Variants in RASEF observed in about 807,000 individuals in gnomAD.
RASEF encodes the protein RAS and EF-hand domain containing, also known as ras and EF-hand domain-containing protein.
Under a neutral mutation model 90.1 loss-of-function variants are expected in RASEF, and 68 were observed. The ratio of observed to expected loss-of-function variants is 0.75; its 90% CI spans 0.62 to 0.92. RASEF has a LOEUF of 0.92. Among genes scored for constraint, RASEF ranks in the 40% least tolerant of loss-of-function variants. The pLI is 0.00. For synonymous variants in RASEF, 331 were observed against 345.2 expected, an observed-to-expected ratio of 0.96 and a Z score of 0.46; for missense variants, 949 against 937.2, an observed-to-expected ratio of 1.01 and a Z score of -0.16.
rs1828599493 is a variant in RASEF, at chr9:82,981,475, A to G, written c.*1202T>C. On this transcript the variant is annotated 3_prime_UTR_variant, in exon 17 of 17. Transcript: ENST00000376447. ...CTTAAGGAAGTTAATGTTAGCAACC[A>G]GGGAGTTAGGGGACTTGCATTACAT... 6.6e-6 allele frequency: 1 copy of G among 152,238 alleles called. No homozygotes were observed. Among genetic ancestry groups the G allele is most frequent in the African/African-American group, 2.4e-5 (1 of 41,468 alleles). The allele number at this position is 152,238 out of a possible 1,614,324, so 9.4% of individuals were successfully genotyped here.
intron 3 of RASEF, among the ~76,000 whole-genome samples, chr9:83,018,455 A>C (rs1384987002): frequency 6.6e-6 from 1 of 152,156 alleles, no homozygotes; most frequent in African/African-American, 2.4e-5. Flanking sequence ...CTGAAAGAAG[A>C]CATAGAGAGA....
chr9:83,092,003 C>CTTTTTTTTTTTTTTTTTTTTTTTTCTTT, the RASEF span, among the ~76,000 whole-genome samples: 2 of 35,920 alleles, frequency 5.6e-5, no homozygotes, highest in African/African-American at 9.3e-5. Context: ...TCTTTTATTT[C>CTTTTTTTTTTTTTTTTTTTTTTTTCTTT]TTTTTTTTTT....
At chr9:83,132,609 T>C in the RASEF span, among the ~76,000 whole-genome samples, 1 of 152,212 alleles carries the variant, frequency 6.6e-6, no homozygotes, top group African/African-American at 2.4e-5. Flanking sequence ...AACCAAACTC[T>C]ATAGATTTTT....
chr9:83,063,591 T>C (rs749083909), upstream of RASEF, among the ~76,000 whole-genome samples: 10 of 152,218 alleles, frequency 6.6e-5, no homozygotes, highest in African/African-American at 2.4e-4. Flanking sequence ...CGTCTAACGT[T>C]AAGGTCCCAC....
At chr9:83,116,539 T>C in the RASEF span, among the ~76,000 whole-genome samples, 19 of 152,186 alleles carry the variant, frequency 1.2e-4, no homozygotes, top group Non-Finnish European at 2.5e-4. Context: ...GAGAAGGGTA[T>C]AATCAAAGTA....
chr9:83,123,730 C>T, the RASEF span, among the ~76,000 whole-genome samples: 1 of 152,216 alleles, frequency 6.6e-6, no homozygotes, highest in South Asian at 2.1e-4. Flanking sequence ...GATCCTGGTC[C>T]TCTTTAACTG....
chr9:83,057,844 T>TAC (rs1295961490), intron 1 of RASEF, among the ~76,000 whole-genome samples: 3 of 78,170 alleles, frequency 3.8e-5, no homozygotes, highest in Non-Finnish European at 7.4e-5. Flanking sequence ...TATTCATATA[T>TAC]ACATATATAT....
the RASEF span, among the ~76,000 whole-genome samples, chr9:83,069,445 A>G: frequency 6.6e-6 from 1 of 152,166 alleles, no homozygotes; most frequent in South Asian, 2.1e-4. Flanking sequence ...GCACTCTTCC[A>G]TGCCTGGCTT....
intron 9 of RASEF, among the ~76,000 whole-genome samples, chr9:83,003,235 C>T (rs993579942): frequency 6.6e-6 from 1 of 152,114 alleles, no homozygotes; most frequent in African/African-American, 2.4e-5. Flanking sequence ...CACACACACC[C>T]AGAAGGGGCA....
At chr9:82,995,454 T>C (rs1828898288) in intron 14 of RASEF, among the ~76,000 whole-genome samples, 1 of 152,102 alleles carries the variant, frequency 6.6e-6, no homozygotes, top group Non-Finnish European at 1.5e-5. Context: ...TGGGATTCCT[T>C]TTTATTTGAG....
At chr9:83,123,414 G>A in the RASEF span, among the ~76,000 whole-genome samples, 1 of 152,074 alleles carries the variant, frequency 6.6e-6, no homozygotes, top group Non-Finnish European at 1.5e-5. Context: ...GGGGAGACCT[G>A]CCTTGCTGTT....
At chr9:83,178,278 A>G in the RASEF span, among the ~76,000 whole-genome samples, 1 of 152,188 alleles carries the variant, frequency 6.6e-6, no homozygotes, top group Non-Finnish European at 1.5e-5. Context: ...GGTACTATGC[A>G]GACACCTGCT....
At chr9:83,134,191 T>C in the RASEF span, among the ~76,000 whole-genome samples, 1 of 152,072 alleles carries the variant, frequency 6.6e-6, no homozygotes, top group Admixed American at 6.6e-5. Context: ...TCTCCCTCCC[T>C]ACTCTCAGCC....
the RASEF span, among the ~76,000 whole-genome samples, chr9:83,144,787 T>A: frequency 6.6e-6 from 1 of 152,162 alleles, no homozygotes; most frequent in African/African-American, 2.4e-5. Flanking sequence ...GAAGAAGAGA[T>A]AAACCAGGGC....
the RASEF span, among the ~76,000 whole-genome samples, chr9:83,155,031 G>A: frequency 1.1e-4 from 16 of 152,300 alleles, no homozygotes; most frequent in African/African-American, 3.6e-4. Flanking sequence ...CCTCTTGTGG[G>A]TTAGTAAGAA....
the RASEF span, among the ~76,000 whole-genome samples, chr9:83,139,877 G>A: frequency 6.6e-6 from 1 of 152,092 alleles, no homozygotes; most frequent in Non-Finnish European, 1.5e-5. Flanking sequence ...TACTAAATTG[G>A]TTAGCAAATA....
the RASEF span, among the ~76,000 whole-genome samples, chr9:83,197,762 T>G: frequency 2.0e-5 from 3 of 152,198 alleles, no homozygotes; most frequent in Non-Finnish European, 2.9e-5. Context: ...CACATGCAAC[T>G]GTTCCCTTTT....
At chr9:83,194,809 A>G in the RASEF span, among the ~76,000 whole-genome samples, 1 of 152,158 alleles carries the variant, frequency 6.6e-6, no homozygotes, top group Non-Finnish European at 1.5e-5. Context: ...AATTGCTCCA[A>G]CTTTGATCAG....
chr9:83,078,442 G>A, the RASEF span, among the ~76,000 whole-genome samples: 1 of 152,240 alleles, frequency 6.6e-6, no homozygotes, highest in East Asian at 1.9e-4. Context: ...CGAGGCGGGT[G>A]GATCACCTGA....
Sources: gnomAD v4.1 joint callset for allele counts (sites outside exome capture counted in the v4.1 genomes callset) on GRCh38, gnomAD v4.1.1 for gene constraint, MANE v1.5 for transcripts, NCBI Gene and HGNC (gene_info 2026-07-23, HGNC 2026-07-21) for gene names.